Variants in CAST observed in about 807,000 individuals in gnomAD.
CAST encodes the protein MIR583 host.
A neutral mutation model predicts 119.6 loss-of-function variants in CAST; 76 were observed. The ratio of observed to expected loss-of-function variants is 0.64; its 90% CI spans 0.53 to 0.77. The LOEUF is 0.77. CAST is among the 30% of genes least tolerant of loss of function. The pLI, the probability that CAST is intolerant of heterozygous loss-of-function variation, is 0.00. For missense variants in CAST, 953 were observed against 946.5 expected (o/e 1.01, Z -0.09); for synonymous variants, 319 against 331.6 (o/e 0.96, Z 0.41).
chr5:96,558,379 G>A (rs1398915316), intron 1 of CAST, among the ~76,000 whole-genome samples: 1 of 132,950 alleles, frequency 7.5e-6, no homozygotes, highest in African/African-American at 2.6e-5. Context: ...AGGAAATAGA[G>A]ACACAAAAAA....
At chr5:96,388,772 T>C in the CAST span, among the ~76,000 whole-genome samples, 9 of 152,184 alleles carry the variant, frequency 5.9e-5, no homozygotes, top group Admixed American at 5.2e-4. Flanking sequence ...TCACAGCATG[T>C]ACATGGTTAA....
chr5:96,457,516 G>C, the CAST span, among the ~76,000 whole-genome samples: 1 of 152,036 alleles, frequency 6.6e-6, no homozygotes, highest in East Asian at 1.9e-4. Context: ...CTCCTCCCAT[G>C]TTCCACCTCA....
chr5:96,594,285 T>C (rs903165522), intron 1 of CAST, among the ~76,000 whole-genome samples: 1 of 152,208 alleles, frequency 6.6e-6, no homozygotes, highest in Non-Finnish European at 1.5e-5. Context: ...AAGGGAAAGA[T>C]AGGGCAACCC....
chr5:96,701,777 C>A (rs1010502803), intron 3 of CAST, among the ~76,000 whole-genome samples: 6 of 150,576 alleles, frequency 4.0e-5, no homozygotes, highest in African/African-American at 1.5e-4. Context: ...TGCACTCCAG[C>A]CTGGGCCACA....
chr5:96,687,222 G>A (rs1422489525), intron 2 of CAST, among the ~76,000 whole-genome samples: 1 of 152,198 alleles, frequency 6.6e-6, no homozygotes, highest in Non-Finnish European at 1.5e-5. Context: ...CGGATAGCAA[G>A]AATGGAGGAT....
intron 1 of CAST, among the ~76,000 whole-genome samples, chr5:96,570,743 G>A (rs1561419718): frequency 2.6e-5 from 4 of 152,130 alleles, no homozygotes; most frequent in African/African-American, 9.7e-5. Flanking sequence ...TATTAAACTG[G>A]TATCTCTTTT....
At chr5:96,344,018 A>T in the CAST span, among the ~76,000 whole-genome samples, 10 of 152,328 alleles carry the variant, frequency 6.6e-5, no homozygotes, top group South Asian at 2.1e-3. Flanking sequence ...GACTGAAGGA[A>T]TTGGATCGTA....
the CAST span, among the ~76,000 whole-genome samples, chr5:96,144,834 G>A: frequency 6.6e-6 from 1 of 151,900 alleles, no homozygotes; most frequent in Middle Eastern, 3.4e-3. Context: ...GCACCACCAT[G>A]CCCAGCTAAT....
At chr5:96,045,053 G>A in the CAST span, among the ~76,000 whole-genome samples, 2 of 151,832 alleles carry the variant, frequency 1.3e-5, no homozygotes, top group African/African-American at 4.8e-5. Flanking sequence ...TTTGTTTTTT[G>A]TGAAAATTCA....
chr5:96,348,568 G>A, the CAST span, among the ~76,000 whole-genome samples: 2 of 152,160 alleles, frequency 1.3e-5, no homozygotes, highest in African/African-American at 2.4e-5. Context: ...ATGGTGGGAA[G>A]TTGAGGCTAT....
At chr5:96,532,388 G>A (rs77472449) in intron 1 of CAST, among the ~76,000 whole-genome samples, 1 of 152,082 alleles carries the variant, frequency 6.6e-6, no homozygotes, top group African/African-American at 2.4e-5. Flanking sequence ...TTCACAATCA[G>A]GGTGTAAAGG....
At chr5:96,362,345 C>A in the CAST span, among the ~76,000 whole-genome samples, 3 of 151,824 alleles carry the variant, frequency 2.0e-5, no homozygotes, top group East Asian at 1.9e-4. Flanking sequence ...TTGGGTATAT[C>A]CCCAGTAATG....
At chr5:96,496,705 A>G in the CAST span, among the ~76,000 whole-genome samples, 3 of 152,214 alleles carry the variant, frequency 2.0e-5, no homozygotes, top group Admixed American at 1.3e-4. Flanking sequence ...ATTATCATCT[A>G]TTCTATAGAT....
At chr5:96,520,805 A>G (rs1171245118), upstream of CAST, among the ~76,000 whole-genome samples, 2 of 152,142 alleles carry the variant, frequency 1.3e-5, no homozygotes, top group Non-Finnish European at 2.9e-5. Flanking sequence ...ACTGTGCATG[A>G]CAGAATCCAC....
the CAST span, among the ~76,000 whole-genome samples, chr5:96,127,928 A>G: frequency 2.6e-5 from 4 of 152,258 alleles, no homozygotes; most frequent in East Asian, 7.7e-4. Flanking sequence ...AGGCATTTAC[A>G]TGTTAACTTC....
the CAST span, among the ~76,000 whole-genome samples, chr5:96,454,548 C>T: frequency 1.3e-5 from 2 of 152,166 alleles, no homozygotes; most frequent in Admixed American, 1.3e-4. Context: ...GGCAGTGGTG[C>T]AGTCTTCGCC....
At chr5:96,354,999 CT>C in the CAST span, among the ~76,000 whole-genome samples, 1 of 151,894 alleles carries the variant, frequency 6.6e-6, no homozygotes, top group South Asian at 2.1e-4. Flanking sequence ...GGATGCTTCT[CT>C]TTTCATTCTT....
At chr5:96,196,699 TG>T in the CAST span, among the ~76,000 whole-genome samples, 8 of 152,074 alleles carry the variant, frequency 5.3e-5, no homozygotes, top group African/African-American at 1.9e-4. Flanking sequence ...GGATACAAGA[TG>T]AGGTCAAAAA....
chr5:96,654,073 G>T (rs187413895), intron 1 of CAST, among the ~76,000 whole-genome samples: 1 of 146,508 alleles, frequency 6.8e-6, no homozygotes, highest in East Asian at 2.0e-4. Context: ...TGCCCAGCTG[G>T]AGTGCAGTGG....
Sources: allele counts gnomAD v4.1 joint callset (sites outside exome capture counted in the v4.1 genomes callset), GRCh38; gene constraint gnomAD v4.1.1; transcripts MANE v1.5; gene names NCBI Gene and HGNC (gene_info 2026-07-23, HGNC 2026-07-21).